The following ADARB2 variants were observed in gnomAD, a reference collection of about 807,000 sequenced individuals.
ADARB2 encodes the protein inactive double-stranded RNA-specific editase B2.
A neutral mutation model predicts 62.2 loss-of-function variants in ADARB2; 25 were observed. The observed-to-expected ratio is 0.40, with a 90% confidence interval of 0.29 to 0.56. The LOEUF (loss-of-function observed/expected upper bound fraction) is 0.56. ADARB2 is among the 20% of genes least tolerant of loss of function. The probability of loss-of-function intolerance (pLI) is 0.43; values close to 1 mark genes in which losing one functional copy is unlikely to be tolerated. For synonymous variants in ADARB2, 572 were observed against 500.8 expected (o/e 1.14, Z -1.90); for missense variants, 1,071 against 1,077.4 (o/e 0.99, Z 0.08).
intron 1 of ADARB2, among the ~76,000 whole-genome samples, chr10:1,567,343 G>C (rs896355464): frequency 6.6e-6 from 1 of 152,180 alleles, no homozygotes; most frequent in Non-Finnish European, 1.5e-5. Context: ...CTTTGAGCTC[G>C]CAGGCGTGAA....
chr10:1,662,425 C>T (rs1253639007), intron 1 of ADARB2, among the ~76,000 whole-genome samples: 1 of 152,164 alleles, frequency 6.6e-6, no homozygotes, highest in African/African-American at 2.4e-5. Context: ...GGACCCCTTC[C>T]CCCACCCAGA....
Position 1,446,339 on chromosome 10 carries a change from T to C in ADARB2, c.101-67179A>G, listed in dbSNP as rs931628392. ...GGTACCCCCAATACACAAATCGTCATAGTAAGAAAAATAGCACCCCAGCTT... is the reference window on the plus strand; with the variant it reads ...GGTACCCCCAATACACAAATCGTCACAGTAAGAAAAATAGCACCCCAGCTT... On this transcript the variant is annotated intron_variant, in intron 1 of 9. Coordinates refer to ENST00000381312, the MANE Select transcript of ADARB2 (RefSeq NM_018702.4). 5.3e-5 allele frequency among the ~76,000 whole-genome samples: 8 copies of C among 152,322 alleles called. No individual in the cohort carries two copies. In the East Asian group the frequency reaches 5.8e-4, roughly 11 times the overall value.
intron 3 of ADARB2, among the ~76,000 whole-genome samples, chr10:1,332,932 C>G (rs764520158): frequency 2.0e-5 from 3 of 152,166 alleles, no homozygotes; most frequent in African/African-American, 7.2e-5. Flanking sequence ...TCCCCATCCC[C>G]GCAATCAATG....
intron 1 of ADARB2, among the ~76,000 whole-genome samples, chr10:1,540,827 T>C (rs180675157): frequency 5.2e-4 from 14 of 27,142 alleles, no homozygotes; most frequent in Admixed American, 1.4e-3. Flanking sequence ...CACTCAGATG[T>C]AGTTCAGACC....
At chr10:1,617,773 A>G (rs1189123854) in intron 1 of ADARB2, among the ~76,000 whole-genome samples, 2 of 148,112 alleles carry the variant, frequency 1.4e-5, no homozygotes, top group South Asian at 2.3e-4. Context: ...GACACACTCC[A>G]CACCACCCTG....
intron 2 of ADARB2, among the ~76,000 whole-genome samples, chr10:1,378,588 T>C (rs1342950822): frequency 6.6e-6 from 1 of 151,708 alleles, no homozygotes; most frequent in East Asian, 1.9e-4. Context: ...CAGGTTAGGA[T>C]GGAACTGCAG....
chr10:1,586,444 G>C (rs990990189), intron 1 of ADARB2, among the ~76,000 whole-genome samples: 2 of 152,232 alleles, frequency 1.3e-5, no homozygotes, highest in Admixed American at 6.5e-5. Context: ...ATTTTCAGAT[G>C]CATTTGACTT....
At chr10:1,469,824 G>C (rs1231900108) in intron 1 of ADARB2, among the ~76,000 whole-genome samples, 1 of 152,198 alleles carries the variant, frequency 6.6e-6, no homozygotes, top group Non-Finnish European at 1.5e-5. Context: ...GGGCTCCATG[G>C]CAGGTGCATT....
At chr10:1,549,210 T>TGGG (rs11392059) in intron 1 of ADARB2, among the ~76,000 whole-genome samples, 1 of 114,684 alleles carries the variant, frequency 8.7e-6, no homozygotes, top group Non-Finnish European at 1.7e-5. Flanking sequence ...GGCGTGGAGC[T>TGGG]GGGGGGGTCC....
intron 4 of ADARB2, among the ~76,000 whole-genome samples, chr10:1,264,533 C>A (rs1051937179): frequency 6.6e-6 from 1 of 152,176 alleles, no homozygotes; most frequent in African/African-American, 2.4e-5. Context: ...TCTGGTACAA[C>A]ACAATAACAC....
At chr10:1,632,548 T>A (rs1369111577) in intron 1 of ADARB2, among the ~76,000 whole-genome samples, 1 of 152,216 alleles carries the variant, frequency 6.6e-6, no homozygotes, top group Non-Finnish European at 1.5e-5. Flanking sequence ...GGCGAGGCTG[T>A]GGGCTGAGTT....
At chr10:1,578,641 A>G (rs910299315) in intron 1 of ADARB2, among the ~76,000 whole-genome samples, 6 of 144,504 alleles carry the variant, frequency 4.2e-5, no homozygotes, top group Non-Finnish European at 9.0e-5. Context: ...ATGAGCTCAC[A>G]CTGTGTACCA....
intron 3 of ADARB2, among the ~76,000 whole-genome samples, chr10:1,343,253 A>G (rs1189395085): frequency 6.6e-6 from 1 of 152,254 alleles, no homozygotes; most frequent in Non-Finnish European, 1.5e-5. Flanking sequence ...GTCAATAAGC[A>G]TATGAAAAAA....
chr10:1,382,978 C>A (rs1400636241), intron 1 of ADARB2, among the ~76,000 whole-genome samples: 1 of 152,194 alleles, frequency 6.6e-6, no homozygotes, highest in Non-Finnish European at 1.5e-5. Context: ...TGGCCTGGGG[C>A]CGGCCCTGGT....
At chr10:1,247,201 G>T (rs1830994001) in intron 4 of ADARB2, among the ~76,000 whole-genome samples, 1 of 152,212 alleles carries the variant, frequency 6.6e-6, no homozygotes, top group Non-Finnish European at 1.5e-5. Flanking sequence ...CTTTGCTGAA[G>T]TTGCCTGTCA....
intron 1 of ADARB2, among the ~76,000 whole-genome samples, chr10:1,471,640 G>A (rs1446451352): frequency 3.9e-5 from 6 of 152,266 alleles, no homozygotes; most frequent in East Asian, 3.9e-4. Context: ...TGATCCTCCC[G>A]CCTTGGCCTC....
chr10:1,351,915 C>A (rs1173536157), intron 3 of ADARB2, among the ~76,000 whole-genome samples: 5 of 147,990 alleles, frequency 3.4e-5, no homozygotes, highest in Non-Finnish European at 7.4e-5. Flanking sequence ...CCCCTTGGTG[C>A]CAAACCCATA....
At chr10:1,245,468 C>T (rs1425073369) in intron 4 of ADARB2, among the ~76,000 whole-genome samples, 2 of 151,816 alleles carry the variant, frequency 1.3e-5, no homozygotes, top group Non-Finnish European at 2.9e-5. Context: ...GGTATATCTC[C>T]TAATGCTATT....
At chr10:1,628,773 T>C (rs11250680) in intron 1 of ADARB2, among the ~76,000 whole-genome samples, 55,340 of 152,022 alleles carry the variant, frequency 0.36, 10,549 homozygotes, top group East Asian at 0.59. Context: ...GTCTTTCTCT[T>C]CTGGAAACTA....
Sources: allele counts gnomAD v4.1 joint callset (sites outside exome capture counted in the v4.1 genomes callset), GRCh38; gene constraint gnomAD v4.1.1; transcripts MANE v1.5; gene names NCBI Gene and HGNC (gene_info 2026-07-23, HGNC 2026-07-21).